Variants in MAGI1 observed in about 807,000 individuals in gnomAD.
MAGI1 encodes the protein membrane associated guanylate kinase, WW and PDZ domain containing 1.
In MAGI1, 58 loss-of-function variants were observed where a neutral mutation model predicts 139.9. That is an observed-to-expected ratio of 0.41 (90% CI 0.34 to 0.52). The LOEUF is 0.52. Ranked by LOEUF, MAGI1 falls within the 20% of genes least tolerant of loss-of-function variation. The pLI, the probability that MAGI1 is intolerant of heterozygous loss-of-function variation, is 0.12. For synonymous variants in MAGI1, 812 were observed against 737.9 expected (o/e 1.10, Z -1.63); for missense variants, 1,874 against 1,901.6 (o/e 0.99, Z 0.27).
chr3:65,508,374 T>C (rs1233719775), intron 2 of MAGI1, among the ~76,000 whole-genome samples: 1 of 151,812 alleles, frequency 6.6e-6, no homozygotes, highest in Non-Finnish European at 1.5e-5. Flanking sequence ...ACTGCACTCC[T>C]GCCTGGGTGA....
At chr3:65,707,232 C>A (rs1459791105) in intron 1 of MAGI1, among the ~76,000 whole-genome samples, 1 of 152,202 alleles carries the variant, frequency 6.6e-6, no homozygotes. Context: ...CCATTTCACA[C>A]TTCCAAATTA....
intron 5 of MAGI1, among the ~76,000 whole-genome samples, chr3:65,461,735 G>C (rs140364312): frequency 1.3e-5 from 2 of 152,056 alleles, no homozygotes; most frequent in African/African-American, 4.8e-5. Flanking sequence ...TGATCCACCT[G>C]CCTCAGCCTC....
intron 1 of MAGI1, among the ~76,000 whole-genome samples, chr3:65,630,913 G>C (rs559550900): frequency 6.6e-6 from 1 of 152,224 alleles, no homozygotes; most frequent in South Asian, 2.1e-4. Context: ...GTGCCTTGCA[G>C]GCCATGATAA....
intron 1 of MAGI1, among the ~76,000 whole-genome samples, chr3:65,665,879 T>TA (rs1360974793): frequency 4.6e-5 from 7 of 152,226 alleles, no homozygotes; most frequent in African/African-American, 1.4e-4. Context: ...CAAAAATCTT[T>TA]AAAAAAACTA....
At chr3:65,544,854 A>C (rs1225654260) in intron 2 of MAGI1, among the ~76,000 whole-genome samples, 1 of 152,228 alleles carries the variant, frequency 6.6e-6, no homozygotes, top group Non-Finnish European at 1.5e-5. Context: ...AACAAACATA[A>C]TGCAAACCTG....
rs1446042404 is a variant in MAGI1, at chr3:65,364,956, G to C, written c.3197-10C>G. On this transcript the variant is annotated splice_polypyrimidine_tract_variant and intron_variant, in intron 18 of 22. Coordinates refer to ENST00000402939, the MANE Select transcript of MAGI1 (RefSeq NM_001033057.2). ...GTGGCATTCGAGGACTCTGCAAAGA[G>C]GGACAGAGCATAAAGAAATGAAGAC... The C allele has an allele frequency of 1.2e-6, 2 of 1,611,576 alleles. No individual in the cohort carries two copies. Among genetic ancestry groups the C allele is most frequent in the Non-Finnish European group, 1.7e-6 (2 of 1,177,850 alleles).
At chr3:65,404,967 T>G (rs1945214703) in intron 12 of MAGI1, among the ~76,000 whole-genome samples, 1 of 152,156 alleles carries the variant, frequency 6.6e-6, no homozygotes, top group Non-Finnish European at 1.5e-5. Flanking sequence ...AAGGCATACA[T>G]ATAAGGCATA....
chr3:65,504,420 T>C (rs1419985398), intron 2 of MAGI1, among the ~76,000 whole-genome samples: 1 of 152,250 alleles, frequency 6.6e-6, no homozygotes, highest in African/African-American at 2.4e-5. Context: ...TATTATCCTA[T>C]GTCACAGATG....
intron 5 of MAGI1, among the ~76,000 whole-genome samples, chr3:65,460,054 T>C (rs967005130): frequency 7.9e-5 from 12 of 152,388 alleles, no homozygotes; most frequent in Middle Eastern, 3.4e-3. Flanking sequence ...TTTCTGTAGA[T>C]GCTCTTTAAC....
chr3:65,759,883 G>C (rs17073710), intron 1 of MAGI1, among the ~76,000 whole-genome samples: 1 of 151,846 alleles, frequency 6.6e-6, no homozygotes, highest in Non-Finnish European at 1.5e-5. Context: ...ATTAAGATTC[G>C]GGGCTCTAGA....
rs1011908284 is a variant in MAGI1 at position 65,429,501 on chromosome 3, A to G, written c.2167+19T>C. Reference sequence around the variant, plus strand: ...TTGGGATAAAAAAAAAATTCAAAGAACAAAACAACCCTACTTACCTCCTCG... The same window carrying G: ...TTGGGATAAAAAAAAAATTCAAAGAGCAAAACAACCCTACTTACCTCCTCG... On this transcript the variant is annotated intron_variant, in intron 12 of 22. Coordinates refer to ENST00000402939, the MANE Select transcript of MAGI1 (RefSeq NM_001033057.2). 1.9e-6 allele frequency: 3 copies of G among 1,566,980 alleles called. No homozygotes were observed. In the African/African-American group the frequency reaches 4.1e-5, roughly 21 times the overall value.
intron 1 of MAGI1, among the ~76,000 whole-genome samples, chr3:65,624,802 A>T (rs1275135898): frequency 6.6e-6 from 1 of 152,198 alleles, no homozygotes; most frequent in East Asian, 1.9e-4. Context: ...ATATCCTGTG[A>T]ATATATAATA....
intron 2 of MAGI1, among the ~76,000 whole-genome samples, chr3:65,589,394 T>C (rs1412538710): frequency 6.6e-6 from 1 of 152,138 alleles, no homozygotes; most frequent in Admixed American, 6.5e-5. Flanking sequence ...TCACCCTTCC[T>C]AGGACCATGC....
At chr3:65,769,058 G>GA (rs1559864272) in intron 1 of MAGI1, among the ~76,000 whole-genome samples, 3 of 151,644 alleles carry the variant, frequency 2.0e-5, no homozygotes, top group South Asian at 2.1e-4. Context: ...CACTGGGCCT[G>GA]AAAAAAAAGA....
chr3:65,462,717 C>A (rs1278390343), intron 5 of MAGI1, among the ~76,000 whole-genome samples: 3 of 152,264 alleles, frequency 2.0e-5, no homozygotes, highest in African/African-American at 7.2e-5. Context: ...GCAGTATGGC[C>A]ATTTTCACAA....
chr3:65,953,143 A>C, intron 1 of MAGI1, among the ~76,000 whole-genome samples: 1 of 152,196 alleles, frequency 6.6e-6, no homozygotes, highest in Admixed American at 6.5e-5. Context: ...AAACGAAAAC[A>C]AGCAACAAGA....
chr3:65,652,089 G>A (rs1213939976), intron 1 of MAGI1, among the ~76,000 whole-genome samples: 1 of 152,094 alleles, frequency 6.6e-6, no homozygotes, highest in Admixed American at 6.6e-5. Context: ...AAAACCAAAT[G>A]AGAAATGGTT....
intron 1 of MAGI1, among the ~76,000 whole-genome samples, chr3:65,679,392 A>G (rs1012924516): frequency 6.6e-6 from 1 of 151,972 alleles, no homozygotes; most frequent in Non-Finnish European, 1.5e-5. Context: ...CTGCATTCCT[A>G]TTGCTTAATC....
intron 2 of MAGI1, among the ~76,000 whole-genome samples, chr3:65,500,471 G>C (rs2077038409): frequency 6.6e-6 from 1 of 152,294 alleles, no homozygotes; most frequent in African/African-American, 2.4e-5. Flanking sequence ...TCTGGCTTCA[G>C]AGACTCCTGC....
Sources: allele counts gnomAD v4.1 joint callset (sites outside exome capture counted in the v4.1 genomes callset), GRCh38; gene constraint gnomAD v4.1.1; transcripts MANE v1.5; gene names NCBI Gene and HGNC (gene_info 2026-07-23, HGNC 2026-07-21).